The following SPTAN1 variants were observed in gnomAD, a reference collection of about 807,000 sequenced individuals.
SPTAN1 encodes spectrin alpha chain, non-erythrocytic 1.
Under a neutral mutation model 331.3 loss-of-function variants are expected in SPTAN1, and 61 were observed. The observed-to-expected ratio is 0.18, with a 90% CI of 0.15 to 0.23. The LOEUF is 0.23. Among genes scored for constraint, SPTAN1 ranks in the 10% least tolerant of loss-of-function variants. The probability of loss-of-function intolerance (pLI) is 1.00; values close to 1 mark genes in which losing one functional copy is unlikely to be tolerated. For missense variants in SPTAN1, 2,043 were observed against 3,147.9 expected (o/e 0.65, Z 8.40); for synonymous variants, 1,153 against 1,173.9 (o/e 0.98, Z 0.36).
In SPTAN1 at chr9:128,594,206, C is replaced by T. The variant is rs750290385; in HGVS notation, c.3247C>T (p.Arg1083Cys). 23 of 1,614,102 alleles carry T rather than the reference C, an allele frequency of 1.4e-5. No homozygotes were observed. The highest frequency in any genetic ancestry group is 2.2e-5 in the East Asian group (1 of 44,882). Residue 1083 changes from arginine to cysteine, a missense_variant, in exon 24 of 57, where the codon CGT becomes TGT. Physicochemically the swap from Arg to Cys is radical, Grantham distance 180. Coordinates refer to ENST00000372739, the MANE Select transcript of SPTAN1 (RefSeq NM_001130438.3). The part of the protein sequence containing the change: ...YHSLLELGEK[R>C]KGMLEKSCKK... ...TTCTCTGCTGGAACTGGGTGAGAAG[C>T]GTAAAGGCATGTTGGAGAAGAGTTG...
At position 128,604,332 on chromosome 9, in the gene SPTAN1, A is replaced by G; in HGVS notation, c.3634A>G (p.Asn1212Asp). The G allele has an allele frequency of 6.2e-7, 1 of 1,614,000 alleles. No homozygotes were observed. The highest frequency in any genetic ancestry group is 8.5e-7 in the Non-Finnish European group (1 of 1,179,946). Reference sequence around the variant, plus strand: ...ATGTTTTGCTGTCCTGCAGGAGCTGAATGAGCGCTGGCGGTCCCTACAGCA... The same window carrying G: ...ATGTTTTGCTGTCCTGCAGGAGCTGGATGAGCGCTGGCGGTCCCTACAGCA... Reference protein sequence around the residue: ...VATFNSIKELNERWRSLQQLA... With the variant: ...VATFNSIKELDERWRSLQQLA... Residue 1212 changes from asparagine (N) to aspartate (D), a missense_variant, in exon 29 of 57, where the codon AAT becomes GAT. Physicochemically the swap from Asn to Asp is conservative, Grantham distance 23. Transcript: ENST00000372739.
chr9:128,582,030 A>T, intron 12 of SPTAN1, 138 bp downstream of exon 12: 1 of 721,632 alleles, frequency 1.4e-6, no homozygotes, highest in South Asian at 1.5e-5. Context: ...TTTCACAAGG[A>T]TGACATGCTA....
chr9:128,588,922 C>G lies in SPTAN1; in HGVS notation c.2985C>G (p.Thr995=), dbSNP rs777441722. 1 of 1,614,076 alleles carries G rather than the reference C, an allele frequency of 6.2e-7. No individual in the cohort carries two copies. Among genetic ancestry groups the G allele is most frequent in the Admixed American group, 1.7e-5 (1 of 60,006 alleles). The change falls in exon 21 of 57, where the codon ACC becomes ACG. Residue 995 remains threonine, a synonymous_variant. Transcript: ENST00000372739. The part of the protein sequence containing the change: ...EVTMKKGDIL[T]LLNSTNKDWW... ...CCATGAAGAAGGGAGATATCCTTAC[C>G]TTACTCAACAGCACCAACAAGGCAA...
At chr9:128,612,612 G>C (rs1030880798) in intron 39 of SPTAN1, among the ~76,000 whole-genome samples, 2 of 152,186 alleles carry the variant, frequency 1.3e-5, no homozygotes, top group Non-Finnish European at 2.9e-5. Context: ...AGAATGTTTG[G>C]AAAGCACAGA....
chr9:128,583,696 A>G (rs1192055322), intron 15 of SPTAN1, 92 bp from the exon 16 acceptor site: 5 of 1,348,440 alleles, frequency 3.7e-6, no homozygotes, highest in Non-Finnish European at 5.3e-6. Flanking sequence ...TCTGACCTGT[A>G]TAGTCCTTCA....
intron 12 of SPTAN1, among the ~76,000 whole-genome samples, 174 bp from the exon 13 acceptor site, chr9:128,582,304 CA>C (rs1281310984): frequency 7.3e-6 from 1 of 136,634 alleles, no homozygotes; most frequent in Non-Finnish European, 1.6e-5. Flanking sequence ...CTGGTGACAT[CA>C]AGCAAAATCT....
At chr9:128,628,914 T>G (rs1427856709) in intron 51 of SPTAN1, 1 of 383,360 alleles carries the variant, frequency 2.6e-6, no homozygotes, top group Non-Finnish European at 4.6e-6. Context: ...TCCCCTCACC[T>G]TATGGCTCCT....
chr9:128,605,260 C>T, intron 30 of SPTAN1, 36 bp from the exon 31 acceptor site: 2 of 1,614,138 alleles, frequency 1.2e-6, no homozygotes, highest in East Asian at 2.2e-5. Context: ...AGCATACCCC[C>T]TTACTGCAAG....
In SPTAN1 at chr9:128,566,721, G is replaced by C. The variant is rs766122940; in HGVS notation, c.-3-17G>C. The stretch of plus-strand genomic sequence containing the variant: ...GGTGCCTATTGGTACTTATCTCAGC[G>C]CATTTTGTCATTTCAGAAAATGGAC... On this transcript the variant is annotated splice_polypyrimidine_tract_variant and intron_variant, in intron 1 of 56. Coordinates refer to ENST00000372739, the MANE Select transcript of SPTAN1 (RefSeq NM_001130438.3). The C allele has an allele frequency of 6.2e-7, 1 of 1,613,930 alleles. No homozygotes were observed. The highest frequency in any genetic ancestry group is 8.5e-7 in the Non-Finnish European group (1 of 1,179,970).
Position 128,570,064 on chromosome 9 carries a change from A to T in SPTAN1, c.363+1167A>T, listed in dbSNP as rs552481525. Among the ~76,000 whole-genome samples, 24 of 152,176 alleles carry T rather than the reference A, an allele frequency of 1.6e-4. No homozygotes were observed. The South Asian group carries it at 4.1e-3, about 26-fold the overall frequency. Reference sequence around the variant, plus strand: ...TACAGATATTTATCTTCCCATCTTCACACTATTTTATATACAGTCTTAGAG... The same window carrying T: ...TACAGATATTTATCTTCCCATCTTCTCACTATTTTATATACAGTCTTAGAG... On this transcript the variant is annotated intron_variant, in intron 3 of 56. Coordinates refer to ENST00000372739, the MANE Select transcript of SPTAN1 (RefSeq NM_001130438.3).
chr9:128,629,301 G>A lies in SPTAN1; in HGVS notation c.6708-1020G>A. On this transcript the variant is annotated intron_variant, in intron 51 of 56. Coordinates refer to ENST00000372739, the MANE Select transcript of SPTAN1 (RefSeq NM_001130438.3). This position sits in a 1 kb window ranked among gnomAD's most constrained non-coding sequence, Gnocchi z 4.9. ...CCGCCCTCGGCTGCTTGGGAAGGAG[G>A]GGTCTGTCCTCCCACTGCACCGGCA... The A allele has an allele frequency of 2.5e-6, 1 of 394,486 alleles. No individual in the cohort carries two copies. 24.4% of individuals were successfully genotyped at this position (394,486 alleles called of 1,614,324 possible).
rs1572914 is a variant in SPTAN1 at position 128,627,265 on chromosome 9, C to T, written c.6577-121C>T. On this transcript the variant is annotated intron_variant, in intron 49 of 56. Coordinates refer to ENST00000372739, the MANE Select transcript of SPTAN1 (RefSeq NM_001130438.3). This position sits in a 1 kb window ranked among gnomAD's most constrained non-coding sequence, Gnocchi z 4.9. ...CCGGCCTCATGTCTCCCAGCCTCCT[C>T]CTCTCATCTTTGGGGAGGTTCCTTG... 117,218 of 828,070 alleles carry T rather than the reference C, an allele frequency of 0.14. 12,277 individuals carry two copies. The highest frequency in any genetic ancestry group is 0.45 in the East Asian group (16,688 of 37,160). The allele number at this position is 828,070 out of a possible 1,614,324, so 51.3% of individuals were successfully genotyped here.
chr9:128,598,389 T>C lies in SPTAN1; in HGVS notation c.3415-11T>C. Reference sequence around the variant, plus strand: ...TTTTGGGTTTTAGTTATTATGGCTTTTGCTTTAAAGGACCTGAAGGCCAAT... The same window carrying C: ...TTTTGGGTTTTAGTTATTATGGCTTCTGCTTTAAAGGACCTGAAGGCCAAT... On this transcript the variant is annotated splice_polypyrimidine_tract_variant and intron_variant, in intron 24 of 56. Coordinates refer to ENST00000372739, the MANE Select transcript of SPTAN1 (RefSeq NM_001130438.3). 1 of 1,609,890 alleles carries C rather than the reference T, an allele frequency of 6.2e-7. No homozygotes were observed. Among genetic ancestry groups the C allele is most frequent in the Admixed American group, 1.7e-5 (1 of 59,610 alleles).
At chr9:128,612,001 C>CT in intron 38 of SPTAN1, 108 bp from the exon 39 acceptor site, 1 of 1,604,140 alleles carries the variant, frequency 6.2e-7, no homozygotes, top group South Asian at 1.1e-5. Context: ...AGAATGGCTC[C>CT]TATGAGTGTT....
chr9:128,592,779 T>C (rs926465324), intron 22 of SPTAN1, among the ~76,000 whole-genome samples: 1 of 152,162 alleles, frequency 6.6e-6, no homozygotes, highest in Non-Finnish European at 1.5e-5. Flanking sequence ...AAAATGAAGG[T>C]GAACTAACCC....
At chr9:128,628,240 CCA>C in intron 51 of SPTAN1, 1 of 560,042 alleles carries the variant, frequency 1.8e-6, no homozygotes, top group Non-Finnish European at 3.4e-6. Context: ...GAGCTGGAGT[CCA>C]GAGGCCCTAA....
Position 128,557,947 on chromosome 9 carries a change from G to A in SPTAN1, c.-4+5251G>A, listed in dbSNP as rs1436666646. ...GCCTCCCGAATAGCTGGGACTACAG[G>A]TGCCCGCCACCACGCCCGGCTAATT... On this transcript the variant is annotated intron_variant, in intron 1 of 56. Transcript: ENST00000372739. Among the ~76,000 whole-genome samples the A allele has an allele frequency of 3.9e-5, 6 of 152,132 alleles. No homozygotes were observed. The South Asian group carries it at 1.2e-3, about 32-fold the overall frequency.
At chr9:128,606,110 G>A (rs533353031) in intron 31 of SPTAN1, among the ~76,000 whole-genome samples, 4 of 151,870 alleles carry the variant, frequency 2.6e-5, no homozygotes, top group Non-Finnish European at 4.4e-5. Context: ...GGTGGCTCAC[G>A]CCTGTAATCC....
At chr9:128,614,275 T>C (rs1057264610) in intron 40 of SPTAN1, among the ~76,000 whole-genome samples, 9 of 152,074 alleles carry the variant, frequency 5.9e-5, no homozygotes, top group African/African-American at 2.2e-4. Flanking sequence ...GGCAACATGA[T>C]GAGACTCTGT....
Sources: gnomAD v4.1 joint callset for allele counts (sites outside exome capture counted in the v4.1 genomes callset) on GRCh38, gnomAD v4.1.1 for gene constraint, Gnocchi (gnomAD v3.1) non-coding constraint, MANE v1.5 for transcripts, NCBI Gene and HGNC (gene_info 2026-07-23, HGNC 2026-07-21) for gene names.